Variants in SEC24D observed in about 807,000 individuals in gnomAD.
SEC24D encodes protein transport protein Sec24D.
SEC24D carries 69 observed loss-of-function variants against 116.9 expected under a neutral mutation model. That is an observed-to-expected ratio of 0.59 (90% CI 0.49 to 0.72). SEC24D has a LOEUF of 0.72. Ranked by LOEUF, SEC24D falls within the 30% of genes least tolerant of loss-of-function variation. The pLI is 0.00. For synonymous variants in SEC24D, 405 were observed against 442.8 expected, an observed-to-expected ratio of 0.91 and a Z score of 1.07; for missense variants, 1,131 against 1,264.1, an observed-to-expected ratio of 0.89 and a Z score of 1.60.
At chr4:118,781,982 G>A (rs1180679514) in intron 8 of SEC24D, among the ~76,000 whole-genome samples, 9 of 152,092 alleles carry the variant, frequency 5.9e-5, no homozygotes, top group East Asian at 1.9e-4. Flanking sequence ...TTAGCCATTC[G>A]TCTAATGTTT....
chr4:118,740,815 A>G lies in SEC24D; in HGVS notation c.2093-7T>C. ...AAATCAGTGGCTCTGAAACCTAAAGATAAGGGAAAAAGGGAAATTTTGCTT... is the reference window on the plus strand; with the variant it reads ...AAATCAGTGGCTCTGAAACCTAAAGGTAAGGGAAAAAGGGAAATTTTGCTT... On this transcript the variant is annotated splice_region_variant and splice_polypyrimidine_tract_variant and intron_variant, in intron 16 of 22. Coordinates refer to ENST00000280551, the MANE Select transcript of SEC24D (RefSeq NM_014822.4). The G allele has an allele frequency of 2.5e-6, 4 of 1,613,374 alleles. No individual in the cohort carries two copies. The highest frequency in any genetic ancestry group is 3.4e-6 in the Non-Finnish European group (4 of 1,179,614).
In SEC24D at chr4:118,723,634, C is replaced by T. The variant is rs927045819; in HGVS notation, c.2980G>A (p.Glu994Lys). 5.0e-6 allele frequency: 8 copies of T among 1,612,312 alleles called. No individual in the cohort carries two copies. In the African/African-American group the frequency reaches 5.4e-5, roughly 11 times the overall value. Residue 994 changes from glutamate to lysine, a missense_variant, in exon 23 of 23, where the codon GAA (glutamate) becomes AAA (lysine). Glu to Lys is a moderately conservative substitution (Grantham distance 56). Transcript: ENST00000280551. ...SMKLTIVKQR[E>K]QPEMVFRQFL... ...TGTCGGAAAACCATTTCTGGTTGTTCTCGCTGCTTTACAATTGTGAGCTAG... is the reference window on the plus strand; with the variant it reads ...TGTCGGAAAACCATTTCTGGTTGTTTTCGCTGCTTTACAATTGTGAGCTAG...
chr4:118,825,948 G>A (rs1560763974), intron 2 of SEC24D, among the ~76,000 whole-genome samples: 1 of 151,854 alleles, frequency 6.6e-6, no homozygotes, highest in Non-Finnish European at 1.5e-5. Context: ...CCCAGGAAGA[G>A]TTTCTTATAT....
At chr4:118,741,719 C>A (rs997882447) in intron 15 of SEC24D, among the ~76,000 whole-genome samples, 2 of 152,170 alleles carry the variant, frequency 1.3e-5, no homozygotes, top group African/African-American at 2.4e-5. Context: ...CCCTTCCCCC[C>A]AGTCCCAAAC....
chr4:118,762,319 C>T (rs1399816519), intron 10 of SEC24D, among the ~76,000 whole-genome samples: 3 of 152,136 alleles, frequency 2.0e-5, no homozygotes, highest in Non-Finnish European at 4.4e-5. Flanking sequence ...CACACAGATA[C>T]GGTTTTCAGT....
intron 7 of SEC24D, among the ~76,000 whole-genome samples, chr4:118,802,674 G>A (rs374457864): frequency 2.0e-5 from 3 of 152,150 alleles, no homozygotes; most frequent in African/African-American, 7.2e-5. Context: ...AGTCCTGCCT[G>A]CTCACCCACT....
chr4:118,799,459 C>G (rs1213255628), intron 7 of SEC24D, among the ~76,000 whole-genome samples: 1 of 152,134 alleles, frequency 6.6e-6, no homozygotes, highest in Non-Finnish European at 1.5e-5. Flanking sequence ...CATCTGGAGA[C>G]TGGGCTAAAG....
chr4:118,764,870 C>T lies in SEC24D; in HGVS notation c.1228G>A (p.Asp410Asn). Residue 410 changes from aspartate (D) to asparagine (N), a missense_variant, in exon 10 of 23, where the codon GAC (aspartate) becomes AAC (asparagine). Asp to Asn is a conservative substitution (Grantham distance 23). Transcript: ENST00000280551. ...GATAACTCTGGTTTCTCATAGTGGTCCAGTCTTCTTCCAATGTGGTCCAGA... is the reference window on the plus strand; with the variant it reads ...GATAACTCTGGTTTCTCATAGTGGTTCAGTCTTCTTCCAATGTGGTCCAGA... ...QHLDHIGRRL[D>N]HYEKPELSLG... The T allele has an allele frequency of 6.2e-7, 1 of 1,611,124 alleles. No individual in the cohort carries two copies. The highest frequency in any genetic ancestry group is 2.2e-5 in the East Asian group (1 of 44,768).
At chr4:118,760,810 C>A (rs555049857) in intron 10 of SEC24D, among the ~76,000 whole-genome samples, 1 of 151,988 alleles carries the variant, frequency 6.6e-6, no homozygotes. Flanking sequence ...CGGGTTCAAG[C>A]GATTCTCCTG....
At chr4:118,740,003 C>T (rs1029392082) in intron 17 of SEC24D, among the ~76,000 whole-genome samples, 1 of 152,248 alleles carries the variant, frequency 6.6e-6, no homozygotes, top group Middle Eastern at 3.4e-3. Context: ...TCCTAACCCC[C>T]TAGTACCTAA....
chr4:118,756,041 TG>T (rs1217121418), intron 11 of SEC24D, among the ~76,000 whole-genome samples: 8 of 152,114 alleles, frequency 5.3e-5, no homozygotes, highest in Admixed American at 5.2e-4. Flanking sequence ...TCACCAGCAT[TG>T]ATAAGGAACA....
At chr4:118,827,724 T>A (rs1730644573) in intron 2 of SEC24D, among the ~76,000 whole-genome samples, 1 of 152,196 alleles carries the variant, frequency 6.6e-6, no homozygotes, top group Non-Finnish European at 1.5e-5. Flanking sequence ...TGGTCCTGCA[T>A]GGGAATGTTC....
chr4:118,765,666 C>T (rs1017308013), intron 9 of SEC24D, among the ~76,000 whole-genome samples: 1 of 152,126 alleles, frequency 6.6e-6, no homozygotes, highest in African/African-American at 2.4e-5. Flanking sequence ...GAAAAACTAC[C>T]AATGCTCTGG....
At chr4:118,785,949 T>A (rs140774462) in intron 8 of SEC24D, among the ~76,000 whole-genome samples, 1 of 152,302 alleles carries the variant, frequency 6.6e-6, no homozygotes, top group Non-Finnish European at 1.5e-5. Flanking sequence ...AAATTTTCCA[T>A]GGCAAAATTT....
At chr4:118,828,302 C>T (rs996061995) in intron 2 of SEC24D, among the ~76,000 whole-genome samples, 4 of 151,950 alleles carry the variant, frequency 2.6e-5, no homozygotes, top group African/African-American at 7.3e-5. Context: ...GTAGAGACGG[C>T]GTTTCACCAT....
chr4:118,771,364 T>C (rs951951580), intron 8 of SEC24D, among the ~76,000 whole-genome samples: 4 of 152,178 alleles, frequency 2.6e-5, no homozygotes, highest in African/African-American at 7.2e-5. Context: ...AGTGAAAGGA[T>C]AGAAAGACTG....
intron 7 of SEC24D, among the ~76,000 whole-genome samples, chr4:118,798,134 G>A (rs915939197): frequency 3.3e-5 from 5 of 152,002 alleles, no homozygotes; most frequent in African/African-American, 9.7e-5. Context: ...AGATGCAATG[G>A]AAAAAATAAA....
chr4:118,723,312 T>G lies in SEC24D; in HGVS notation c.*203A>C. ...TAGAAACTGTGCAATCAGAAACAGA[T>G]TGTTCCCTTTATGGTACAATTGTAC... On this transcript the variant is annotated 3_prime_UTR_variant, in exon 23 of 23. Coordinates refer to ENST00000280551, the MANE Select transcript of SEC24D (RefSeq NM_014822.4). 2.1e-6 allele frequency: 1 copy of G among 478,418 alleles called. No individual in the cohort carries two copies. Among genetic ancestry groups the G allele is most frequent in the Non-Finnish European group, 3.6e-6 (1 of 275,038 alleles). The allele number at this position is 478,418 out of a possible 1,614,324, so 29.6% of individuals were successfully genotyped here.
intron 13 of SEC24D, among the ~76,000 whole-genome samples, chr4:118,746,226 G>GGAGA (rs1726522005): frequency 1.1e-5 from 1 of 89,028 alleles, no homozygotes; most frequent in Non-Finnish European, 2.6e-5. Context: ...GGGGAGGTTG[G>GGAGA]GGGAGGGAGG....
Sources: gnomAD v4.1 joint callset for allele counts (sites outside exome capture counted in the v4.1 genomes callset) on GRCh38, gnomAD v4.1.1 for gene constraint, MANE v1.5 for transcripts, NCBI Gene and HGNC (gene_info 2026-07-23, HGNC 2026-07-21) for gene names.